CDH13: variants seen among roughly 807,000 people sequenced by gnomAD.
CDH13 encodes cadherin 13, also known as cadherin-13.
CDH13 carries 24 observed loss-of-function variants against 63.8 expected under a neutral mutation model. The ratio of observed to expected loss-of-function variants is 0.38; its 90% confidence interval spans 0.27 to 0.53. The LOEUF is 0.53. Ranked by LOEUF, CDH13 falls within the 20% of genes least tolerant of loss-of-function variation. CDH13 has a pLI of 0.85. For synonymous variants in CDH13, 503 were observed against 355.3 expected (o/e 1.42, Z -4.67); for missense variants, 1,049 against 903.1 (o/e 1.16, Z -2.07).
rs376603010 is a variant in CDH13 at position 82,807,752 on chromosome 16, A to T, written c.46-50610A>T. ...AGTTAATTCCCAAATCCAGCCTCCAAACACCACAATGGAGCATTTTATATG... is the reference window on the plus strand; with the variant it reads ...AGTTAATTCCCAAATCCAGCCTCCATACACCACAATGGAGCATTTTATATG... On this transcript the variant is annotated intron_variant, in intron 1 of 13. Transcript: ENST00000567109. Among the ~76,000 whole-genome samples, 20 of 152,306 alleles carry T rather than the reference A, an allele frequency of 1.3e-4. No individual in the cohort carries two copies. In the South Asian group the frequency reaches 4.2e-3, roughly 32 times the overall value.
At chr16:82,806,705 G>A (rs1016641553) in intron 1 of CDH13, among the ~76,000 whole-genome samples, 1 of 151,998 alleles carries the variant, frequency 6.6e-6, no homozygotes, top group Non-Finnish European at 1.5e-5. Context: ...AGCTCTGCAG[G>A]GCAGGGAGAG....
intron 13 of CDH13, among the ~76,000 whole-genome samples, chr16:83,784,883 G>C (rs1279338194): frequency 6.6e-6 from 1 of 152,060 alleles, no homozygotes; most frequent in Non-Finnish European, 1.5e-5. Context: ...CCACCCTCCT[G>C]TCTCAGGTAC....
intron 4 of CDH13, among the ~76,000 whole-genome samples, chr16:83,148,835 CTT>C (rs1456062789): frequency 6.6e-6 from 1 of 151,910 alleles, no homozygotes. Context: ...AATATTTACT[CTT>C]TTTTAAAGAC....
chr16:82,809,999 A>G (rs1211045397), intron 1 of CDH13, among the ~76,000 whole-genome samples: 4 of 152,198 alleles, frequency 2.6e-5, no homozygotes, highest in African/African-American at 9.7e-5. Context: ...ATTAAGGGCA[A>G]TGTCCCTCAT....
At chr16:83,516,551 G>C (rs779753516) in intron 7 of CDH13, among the ~76,000 whole-genome samples, 5 of 152,218 alleles carry the variant, frequency 3.3e-5, no homozygotes, top group Non-Finnish European at 5.9e-5. Context: ...CTTCAAAGGA[G>C]AGGTGTCTTC....
At chr16:83,132,998 C>G (rs1000835945) in intron 4 of CDH13, among the ~76,000 whole-genome samples, 1 of 152,210 alleles carries the variant, frequency 6.6e-6, no homozygotes, top group Non-Finnish European at 1.5e-5. Flanking sequence ...CACATTCACA[C>G]TCTAAGGCTG....
At chr16:82,823,742 TG>T (rs1404828680) in intron 1 of CDH13, 6 of 152,182 alleles carry the variant, frequency 3.9e-5, no homozygotes, top group African/African-American at 7.2e-5. Context: ...TAAATGTATA[TG>T]TTAATTTGGA....
At chr16:83,421,015 C>T (rs971456146) in intron 6 of CDH13, among the ~76,000 whole-genome samples, 5 of 152,188 alleles carry the variant, frequency 3.3e-5, no homozygotes, top group Admixed American at 2.6e-4. Flanking sequence ...ATGGTGTCCA[C>T]CCACAATGAG....
chr16:83,032,316 G>C, intron 3 of CDH13, 98 bp downstream of exon 3: 1 of 877,316 alleles, frequency 1.1e-6, no homozygotes, highest in Non-Finnish European at 1.7e-6. Context: ...TGTTGGCTAA[G>C]ATTCCTTTTG....
chr16:83,476,257 C>G (rs576276306), intron 6 of CDH13, among the ~76,000 whole-genome samples: 33 of 152,344 alleles, frequency 2.2e-4, no homozygotes, highest in African/African-American at 6.7e-4. Context: ...AATATCACAT[C>G]TCCTGCCCCA....
chr16:82,940,492 C>A (rs1904276030), intron 2 of CDH13, among the ~76,000 whole-genome samples: 1 of 152,242 alleles, frequency 6.6e-6, no homozygotes, highest in South Asian at 2.1e-4. Context: ...TTGAGTTTTG[C>A]AATCAGTTTG....
intron 13 of CDH13, among the ~76,000 whole-genome samples, chr16:83,794,508 G>C (rs909997030): frequency 2.0e-5 from 3 of 152,158 alleles, no homozygotes; most frequent in Admixed American, 6.5e-5. Context: ...AGCCAAGATT[G>C]TACCACTACA....
intron 6 of CDH13, among the ~76,000 whole-genome samples, chr16:83,383,757 G>A (rs533399712): frequency 6.6e-6 from 1 of 152,246 alleles, no homozygotes; most frequent in African/African-American, 2.4e-5. Context: ...TATACAATGA[G>A]ATATTCTGAA....
At chr16:82,635,284 G>A (rs939955912) in intron 1 of CDH13, among the ~76,000 whole-genome samples, 7 of 152,232 alleles carry the variant, frequency 4.6e-5, no homozygotes, top group Non-Finnish European at 7.3e-5. Flanking sequence ...GGATCTGGGC[G>A]GCTTCCCTGA....
intron 5 of CDH13, among the ~76,000 whole-genome samples, chr16:83,327,287 A>G (rs745923019): frequency 2.4e-4 from 37 of 152,366 alleles, no homozygotes; most frequent in East Asian, 1.5e-3. Flanking sequence ...GAGAGTGACA[A>G]TAACTTCACT....
intron 2 of CDH13, chr16:82,859,611 G>T (rs751135089): frequency 2.6e-5 from 4 of 151,772 alleles, no homozygotes; most frequent in Non-Finnish European, 5.9e-5. Context: ...CTGATCATAC[G>T]CTCCAAGGTC....
chr16:83,304,123 A>G (rs184229813), intron 5 of CDH13, among the ~76,000 whole-genome samples: 33 of 152,312 alleles, frequency 2.2e-4, no homozygotes, highest in African/African-American at 7.0e-4. Context: ...GCAGAGTCCA[A>G]ACTAGTAATA....
At chr16:83,447,005 T>C (rs2151504328) in intron 6 of CDH13, among the ~76,000 whole-genome samples, 1 of 113,950 alleles carries the variant, frequency 8.8e-6, no homozygotes, top group East Asian at 2.7e-4. Flanking sequence ...GGTTAAGAAG[T>C]AAGGAAATGA....
intron 6 of CDH13, among the ~76,000 whole-genome samples, chr16:83,472,491 A>T (rs1298345422): frequency 6.6e-6 from 1 of 152,172 alleles, no homozygotes; most frequent in African/African-American, 2.4e-5. Context: ...GCTGGCTTGT[A>T]GCAGAGGCAG....
Sources: allele counts gnomAD v4.1 joint callset (sites outside exome capture counted in the v4.1 genomes callset), GRCh38; gene constraint gnomAD v4.1.1; transcripts MANE v1.5; gene names NCBI Gene and HGNC (gene_info 2026-07-23, HGNC 2026-07-21).